Variants in MARCHF1 observed in about 807,000 individuals in gnomAD.
The protein encoded by MARCHF1 is membrane associated ring-CH-type finger 1, also known as E3 ubiquitin-protein ligase MARCHF1.
In MARCHF1, 40 loss-of-function variants were observed where a neutral mutation model predicts 54.2. That is an observed-to-expected ratio of 0.74 (90% CI 0.57 to 0.96). The LOEUF is 0.96. MARCHF1 is among the 40% of genes least tolerant of loss of function. The pLI is 0.00. For synonymous variants in MARCHF1, 236 were observed against 236.3 expected (o/e 1.00, Z 0.01); for missense variants, 586 against 656.5 (o/e 0.89, Z 1.17).
chr4:163,650,048 G>A (rs574767143), intron 5 of MARCHF1, among the ~76,000 whole-genome samples: 89 of 152,024 alleles, frequency 5.9e-4, no homozygotes, highest in African/African-American at 2.0e-3. Context: ...ATGGGTAGGT[G>A]TTAAAGTTAA....
intron 8 of MARCHF1, among the ~76,000 whole-genome samples, chr4:163,553,032 C>CAAAAAAAAAAA (rs778572383): frequency 6.2e-5 from 4 of 64,416 alleles, no homozygotes; most frequent in East Asian, 4.8e-4. Context: ...GACTCCGTCT[C>CAAAAAAAAAAA]AAAAAAAAAA....
At chr4:163,657,549 GA>G in intron 5 of MARCHF1, among the ~76,000 whole-genome samples, 1 of 151,998 alleles carries the variant, frequency 6.6e-6, no homozygotes, top group Non-Finnish European at 1.5e-5. Context: ...CACAGAATTA[GA>G]AAAAAGCTAC....
At chr4:163,706,434 C>A (rs1744951715) in intron 4 of MARCHF1, among the ~76,000 whole-genome samples, 1 of 151,862 alleles carries the variant, frequency 6.6e-6, no homozygotes, top group Admixed American at 6.6e-5. Context: ...TTGTGTCTAT[C>A]CTAATGGAAA....
intron 4 of MARCHF1, among the ~76,000 whole-genome samples, chr4:163,790,128 C>T (rs770041900): frequency 9.9e-5 from 15 of 151,932 alleles, no homozygotes; most frequent in Non-Finnish European, 1.3e-4. Flanking sequence ...AACCAAGGGA[C>T]GGTTGCAAGT....
chr4:163,624,612 T>C (rs1444376603), intron 5 of MARCHF1, among the ~76,000 whole-genome samples: 2 of 152,220 alleles, frequency 1.3e-5, no homozygotes, highest in East Asian at 1.9e-4. Context: ...GATGAGGTCC[T>C]CAGCATAAGC....
At chr4:164,286,883 G>C (rs4691115) in intron 1 of MARCHF1, among the ~76,000 whole-genome samples, 19,044 of 149,410 alleles carry the variant, frequency 0.13, 1,702 homozygotes, top group Admixed American at 0.27. Flanking sequence ...TTGTGGGTGT[G>C]GGGAGCAAAC....
intron 1 of MARCHF1, among the ~76,000 whole-genome samples, chr4:164,210,789 G>A (rs1327388598): frequency 3.3e-5 from 5 of 152,024 alleles, no homozygotes; most frequent in African/African-American, 1.2e-4. Context: ...CCAAGACAAG[G>A]AAGCAACCTA....
At chr4:163,932,776 A>G (rs1338263562) in intron 3 of MARCHF1, 2 of 583,574 alleles carry the variant, frequency 3.4e-6, no homozygotes, top group Non-Finnish European at 3.4e-6. Flanking sequence ...GAGAAAGTGG[A>G]GTCTGAGCTG....
intron 1 of MARCHF1, among the ~76,000 whole-genome samples, chr4:164,329,672 A>G (rs1735375030): frequency 6.6e-6 from 1 of 152,230 alleles, no homozygotes; most frequent in African/African-American, 2.4e-5. Context: ...GGAAGCTTCC[A>G]ATCATGACAG....
intron 9 of MARCHF1, among the ~76,000 whole-genome samples, chr4:163,533,282 T>C (rs571366968): frequency 6.6e-6 from 1 of 152,012 alleles, no homozygotes; most frequent in Non-Finnish European, 1.5e-5. Flanking sequence ...ATTCCAACTA[T>C]GTGACATTCT....
intron 1 of MARCHF1, among the ~76,000 whole-genome samples, chr4:164,176,980 C>CTCCCTA (rs1466683245): frequency 1.7e-5 from 1 of 58,918 alleles, no homozygotes. Context: ...CTCTCTCTCT[C>CTCCCTA]TATATATATA....
At chr4:164,015,689 T>A (rs1379031396) in intron 2 of MARCHF1, among the ~76,000 whole-genome samples, 2 of 151,530 alleles carry the variant, frequency 1.3e-5, no homozygotes, top group African/African-American at 4.9e-5. Flanking sequence ...GACACACAAA[T>A]GGCCAATAGT....
chr4:164,113,816 G>T (rs1755884941), intron 1 of MARCHF1, among the ~76,000 whole-genome samples: 1 of 151,988 alleles, frequency 6.6e-6, no homozygotes, highest in South Asian at 2.1e-4. Flanking sequence ...AAGGATGTAA[G>T]TAAAAAGTGA....
intron 2 of MARCHF1, among the ~76,000 whole-genome samples, chr4:164,092,795 A>G (rs192897879): frequency 2.6e-5 from 4 of 152,276 alleles, no homozygotes; most frequent in Admixed American, 2.0e-4. Context: ...AGTTACGTTG[A>G]CTGATCTCAA....
intron 4 of MARCHF1, among the ~76,000 whole-genome samples, chr4:163,752,576 C>T (rs1159252266): frequency 6.6e-6 from 1 of 152,056 alleles, no homozygotes; most frequent in African/African-American, 2.4e-5. Flanking sequence ...AAAGAAGAGA[C>T]AAGTCACAAA....
intron 4 of MARCHF1, among the ~76,000 whole-genome samples, chr4:163,836,552 T>A (rs1487892304): frequency 1.3e-5 from 1 of 74,898 alleles, no homozygotes; most frequent in East Asian, 3.8e-4. Context: ...GCTAATTTAT[T>A]TTTTGATACA....
chr4:164,183,227 C>A (rs1162727255), intron 1 of MARCHF1, among the ~76,000 whole-genome samples: 1 of 152,148 alleles, frequency 6.6e-6, no homozygotes, highest in Non-Finnish European at 1.5e-5. Flanking sequence ...TCTACCCAAT[C>A]TAATTCAATT....
At chr4:164,308,297 T>C (rs1734749127) in intron 1 of MARCHF1, among the ~76,000 whole-genome samples, 1 of 152,226 alleles carries the variant, frequency 6.6e-6, no homozygotes, top group African/African-American at 2.4e-5. Context: ...TTAGAAATTA[T>C]ACTTATATTG....
intron 3 of MARCHF1, among the ~76,000 whole-genome samples, chr4:163,926,288 T>G (rs1343079029): frequency 6.6e-6 from 1 of 151,766 alleles, no homozygotes; most frequent in Non-Finnish European, 1.5e-5. Flanking sequence ...TTTCACTTAA[T>G]GTACTGTAAG....
Sources: gnomAD v4.1 joint callset for allele counts (sites outside exome capture counted in the v4.1 genomes callset) on GRCh38, gnomAD v4.1.1 for gene constraint, MANE v1.5 for transcripts, NCBI Gene and HGNC (gene_info 2026-07-23, HGNC 2026-07-21) for gene names.